Variants in OSTN observed in about 807,000 individuals in gnomAD.
OSTN encodes the protein osteocrin.
OSTN carries 9 observed loss-of-function variants against 12.0 expected under a neutral mutation model. That is an observed-to-expected ratio of 0.75 (90% CI 0.45 to 1.30). The LOEUF (loss-of-function observed/expected upper bound fraction) is 1.30. Among genes scored for constraint, OSTN ranks in the 50% most tolerant of loss-of-function variants. OSTN has a pLI of 0.00. For synonymous variants in OSTN, 59 were observed against 56.9 expected, an observed-to-expected ratio of 1.04 and a Z score of -0.16; for missense variants, 148 against 152.3, an observed-to-expected ratio of 0.97 and a Z score of 0.15.
In OSTN at chr3:191,212,546, G is replaced by C. The variant is rs1231262125; in HGVS notation, c.14G>C (p.Arg5Thr). 6.3e-7 allele frequency: 1 copy of C among 1,586,368 alleles called. No individual in the cohort carries two copies. The highest frequency in any genetic ancestry group is 8.6e-7 in the Non-Finnish European group (1 of 1,162,332). MLDW[R>T]LASAHFILAV... The stretch of plus-strand genomic sequence containing the variant: ...TGTAACCCTTAGATGCTGGACTGGA[G>C]ATTGGCAAGTGCACATTTCATCCTG... Residue 5 changes from arginine (R) to threonine (T), a missense_variant, in exon 2 of 5, where the codon AGA becomes ACA. Coordinates refer to ENST00000682035, the MANE Select transcript of OSTN (RefSeq NM_198184.2).
intron 3 of OSTN, among the ~76,000 whole-genome samples, chr3:191,238,239 T>C (rs1715240587): frequency 6.6e-6 from 1 of 152,000 alleles, no homozygotes; most frequent in Admixed American, 6.6e-5. Flanking sequence ...TTGGCCAAAG[T>C]TGAAGATACT....
At chr3:191,212,469 C>G in intron 1 of OSTN, 64 bp from the exon 2 acceptor site, 1 of 1,091,434 alleles carries the variant, frequency 9.2e-7, no homozygotes, top group Admixed American at 2.2e-5. Flanking sequence ...CTTTTAGGAA[C>G]TTCTGTTTTT....
chr3:191,202,374 G>T (rs1401255581), intron 1 of OSTN, among the ~76,000 whole-genome samples: 1 of 152,186 alleles, frequency 6.6e-6, no homozygotes, highest in African/African-American at 2.4e-5. Flanking sequence ...CGGTTGAGGA[G>T]TTTCCACCTG....
chr3:191,232,293 A>G lies in OSTN; in HGVS notation c.317+13332A>G, dbSNP rs144365213. Among the ~76,000 whole-genome samples the G allele has an allele frequency of 6.6e-3, 944 of 143,952 alleles. 10 individuals are homozygous for G. Among genetic ancestry groups the G allele is most frequent in the African/African-American group, 0.024 (903 of 37,904 alleles). 94.4% of individuals were successfully genotyped at this position (143,952 alleles called of 152,430 possible). A position where few individuals can be genotyped will look rare whatever the true frequency, so the allele number is the denominator to read the frequency against. On this transcript the variant is annotated intron_variant, in intron 3 of 4. Transcript: ENST00000682035. ...GGTTTCAGTGAGCCAAGATTGTGCC[A>G]CAGCACTCCAGCCTGGGTGACAGAG...
At chr3:191,203,957 G>A (rs965141165) in intron 1 of OSTN, among the ~76,000 whole-genome samples, 5 of 152,048 alleles carry the variant, frequency 3.3e-5, no homozygotes, top group African/African-American at 4.8e-5. Flanking sequence ...GCGCAATCTC[G>A]GCTCACTGCA....
At chr3:191,244,307 ACAAT>A (rs1715383806) in intron 3 of OSTN, among the ~76,000 whole-genome samples, 1 of 152,090 alleles carries the variant, frequency 6.6e-6, no homozygotes, top group African/African-American at 2.4e-5. Flanking sequence ...TTTAAAATAA[ACAAT>A]CTAATCATTG....
At chr3:191,230,478 C>T (rs999684581) in intron 3 of OSTN, among the ~76,000 whole-genome samples, 1 of 146,830 alleles carries the variant, frequency 6.8e-6, no homozygotes, top group Admixed American at 7.0e-5. Flanking sequence ...GCAGGGAAAT[C>T]GCTTGAACGT....
At position 191,250,139 on chromosome 3, in the gene OSTN, T is replaced by C; in HGVS notation, c.*12+6T>C. On this transcript the variant is annotated splice_donor_region_variant and intron_variant, in intron 4 of 4. Coordinates refer to ENST00000682035, the MANE Select transcript of OSTN (RefSeq NM_198184.2). ...GAGGCTAATTGATTCCAATTGTGAG[T>C]ACAATTTGAATAAGTAACAGTATAT... 6.4e-7 allele frequency: 1 copy of C among 1,561,514 alleles called. No individual in the cohort carries two copies. Among genetic ancestry groups the C allele is most frequent in the Non-Finnish European group, 8.8e-7 (1 of 1,132,206 alleles).
Position 191,262,614 on chromosome 3 carries a change from T to C in OSTN, c.*13-252T>C, listed in dbSNP as rs150093900. Among the ~76,000 whole-genome samples the C allele has an allele frequency of 4.3e-3, 660 of 152,330 alleles. 6 individuals carry two copies. The highest frequency in any genetic ancestry group is 0.014 in the African/African-American group (597 of 41,564). ...AGGAAAGGAGCTGTGAAAAAGACTT[T>C]TTATAATTTTTATTAAAACTTGAGC... On this transcript the variant is annotated intron_variant, in intron 4 of 4. Coordinates refer to ENST00000682035, the MANE Select transcript of OSTN (RefSeq NM_198184.2).
chr3:191,209,816 A>G (rs1040005976), intron 1 of OSTN, among the ~76,000 whole-genome samples: 3 of 151,794 alleles, frequency 2.0e-5, no homozygotes, highest in Non-Finnish European at 4.4e-5. Context: ...CCAAAGTTTT[A>G]TTTTTTTTCC....
chr3:191,251,908 A>C (rs1381856265), intron 4 of OSTN, among the ~76,000 whole-genome samples: 1 of 152,238 alleles, frequency 6.6e-6, no homozygotes, highest in Non-Finnish European at 1.5e-5. Context: ...TGATGTTCTG[A>C]GAACATTATG....
At chr3:191,204,044 C>T (rs983675014) in intron 1 of OSTN, among the ~76,000 whole-genome samples, 2 of 152,154 alleles carry the variant, frequency 1.3e-5, no homozygotes, top group South Asian at 4.1e-4. Flanking sequence ...CCTGCCGCCA[C>T]GCCTGGCTAA....
intron 3 of OSTN, among the ~76,000 whole-genome samples, chr3:191,241,462 G>A (rs946239495): frequency 3.6e-4 from 55 of 152,068 alleles, no homozygotes; most frequent in Non-Finnish European, 5.9e-4. Flanking sequence ...GGGATTACAG[G>A]CGTGAGCCAA....
intron 4 of OSTN, among the ~76,000 whole-genome samples, chr3:191,259,124 C>T (rs1301878973): frequency 6.6e-6 from 1 of 151,978 alleles, no homozygotes; most frequent in Non-Finnish European, 1.5e-5. Context: ...CTTTTCTAGA[C>T]CTTTTCCTGT....
intron 4 of OSTN, among the ~76,000 whole-genome samples, chr3:191,260,003 C>T (rs1217436747): frequency 6.8e-6 from 1 of 147,600 alleles, no homozygotes; most frequent in African/African-American, 2.4e-5. Flanking sequence ...TACAGGCACA[C>T]ACCATGCCCG....
chr3:191,222,340 G>A (rs919543613), intron 3 of OSTN, among the ~76,000 whole-genome samples: 2 of 152,068 alleles, frequency 1.3e-5, no homozygotes, highest in African/African-American at 4.8e-5. Context: ...GCAGCCAAGA[G>A]GGGATGACCT....
Position 191,213,957 on chromosome 3 carries a change from A to T in OSTN, c.102+1323A>T, listed in dbSNP as rs1165937306. ...TCCCATCTCCAGTTTCTATGTTATC[A>T]GGCTTATATAAGGAAGTGACAGAAG... On this transcript the variant is annotated intron_variant, in intron 2 of 4. Coordinates refer to ENST00000682035, the MANE Select transcript of OSTN (RefSeq NM_198184.2). 7.9e-5 allele frequency among the ~76,000 whole-genome samples: 12 copies of T among 152,094 alleles called. No individual in the cohort carries two copies. In the East Asian group the frequency reaches 1.9e-3, roughly 24 times the overall value.
At chr3:191,207,040 G>C (rs1471033560) in intron 1 of OSTN, among the ~76,000 whole-genome samples, 1 of 152,140 alleles carries the variant, frequency 6.6e-6, no homozygotes, top group Non-Finnish European at 1.5e-5. Context: ...TCATTTCATG[G>C]TGTCAGAACT....
At chr3:191,243,223 A>G (rs1250339044) in intron 3 of OSTN, among the ~76,000 whole-genome samples, 1 of 152,202 alleles carries the variant, frequency 6.6e-6, no homozygotes, top group African/African-American at 2.4e-5. Flanking sequence ...AATTTGTACA[A>G]TAACTTTGGA....
Sources: gnomAD v4.1 joint callset for allele counts (sites outside exome capture counted in the v4.1 genomes callset) on GRCh38, gnomAD v4.1.1 for gene constraint, MANE v1.5 for transcripts, NCBI Gene and HGNC (gene_info 2026-07-23, HGNC 2026-07-21) for gene names.